Variants in ZCCHC24 observed in about 807,000 individuals in gnomAD.
ZCCHC24 encodes zinc finger CCHC domain-containing protein 24.
ZCCHC24 carries 10 observed loss-of-function variants against 26.2 expected under a neutral mutation model. The observed-to-expected ratio is 0.38, with a 90% CI of 0.24 to 0.65. The LOEUF (loss-of-function observed/expected upper bound fraction) is 0.65, where lower values mean the gene tolerates loss of function less well. Among genes scored for constraint, ZCCHC24 ranks in the 30% least tolerant of loss-of-function variants. The pLI, the probability that ZCCHC24 is intolerant of heterozygous loss-of-function variation, is 0.54. For synonymous variants in ZCCHC24, 144 were observed against 147.1 expected (o/e 0.98, Z 0.15); for missense variants, 243 against 329.1 (o/e 0.74, Z 2.03).
At chr10:79,419,121 G>C (rs7895288) in intron 2 of ZCCHC24, among the ~76,000 whole-genome samples, 107,513 of 152,070 alleles carry the variant, frequency 0.71, 38,049 homozygotes, top group Middle Eastern at 0.8. Flanking sequence ...GGCTCCGGTG[G>C]GTGTTGCTTC....
rs923048764 is a variant in ZCCHC24 at position 79,445,619 on chromosome 10, C to G, written c.-179G>C. ...CCGCTGCCGCTGCCGCCGCCTCCCC[C>G]CGACTGCGGCCCCGGCGCGCGCAGG... is the stretch of plus-strand genomic sequence containing the variant. On this transcript the variant is annotated 5_prime_UTR_variant, in exon 1 of 4. Transcript: ENST00000372336. The G allele has an allele frequency of 4.6e-5, 17 of 368,192 alleles. No individual in the cohort carries two copies. Among genetic ancestry groups the G allele is most frequent in the South Asian group, 2.1e-4 (2 of 9,752 alleles). 22.8% of individuals were successfully genotyped at this position (368,192 alleles called of 1,614,324 possible). A position where few individuals can be genotyped will look rare whatever the true frequency, so the allele number is the denominator to read the frequency against.
chr10:79,405,516 G>A (rs1205420601), intron 2 of ZCCHC24, among the ~76,000 whole-genome samples: 8 of 152,252 alleles, frequency 5.3e-5, no homozygotes, highest in Non-Finnish European at 1.0e-4. Context: ...GTCCCAGGAC[G>A]CCTCCTTGGG....
chr10:79,425,775 A>G (rs1035343193), intron 2 of ZCCHC24, among the ~76,000 whole-genome samples: 11 of 152,204 alleles, frequency 7.2e-5, no homozygotes, highest in African/African-American at 2.7e-4. Flanking sequence ...CTTAGAAGCT[A>G]TTGCTATTGT....
chr10:79,443,955 T>G, intron 1 of ZCCHC24: 1 of 1,138,014 alleles, frequency 8.8e-7, no homozygotes, highest in Non-Finnish European at 1.2e-6. Context: ...GGCCAGCATT[T>G]TATATGTCCA....
intron 3 of ZCCHC24, among the ~76,000 whole-genome samples, chr10:79,391,408 A>G (rs1291038908): frequency 6.6e-6 from 1 of 152,086 alleles, no homozygotes. Flanking sequence ...AGCCCTGCCC[A>G]GCCAGAAGCT....
chr10:79,396,535 G>T (rs1416384649), intron 2 of ZCCHC24, among the ~76,000 whole-genome samples: 1 of 152,178 alleles, frequency 6.6e-6, no homozygotes, highest in Non-Finnish European at 1.5e-5. Flanking sequence ...GCCCTCGCAG[G>T]CTTTGAGTTG....
intron 3 of ZCCHC24, among the ~76,000 whole-genome samples, chr10:79,392,964 C>T (rs1856499559): frequency 6.6e-6 from 1 of 152,196 alleles, no homozygotes; most frequent in African/African-American, 2.4e-5. Flanking sequence ...TGAGCACCAA[C>T]CACCAGCCAA....
At chr10:79,425,304 C>T (rs556999328) in intron 2 of ZCCHC24, among the ~76,000 whole-genome samples, 1 of 152,296 alleles carries the variant, frequency 6.6e-6, no homozygotes, top group African/African-American at 2.4e-5. Context: ...CTGTTGCCAC[C>T]AGAGCTGGCA....
chr10:79,397,388 T>A (rs1478649227), intron 2 of ZCCHC24, among the ~76,000 whole-genome samples: 3 of 152,130 alleles, frequency 2.0e-5, no homozygotes, highest in Non-Finnish European at 4.4e-5. Context: ...AATAGAGGGG[T>A]CAACGTGTGC....
At chr10:79,411,606 G>T (rs1486292275) in intron 2 of ZCCHC24, among the ~76,000 whole-genome samples, 1 of 152,198 alleles carries the variant, frequency 6.6e-6, no homozygotes, top group South Asian at 2.1e-4. Context: ...GAGCAGGACT[G>T]CCAAAGTCTC....
intron 2 of ZCCHC24, among the ~76,000 whole-genome samples, chr10:79,417,850 G>A (rs1340561100): frequency 6.6e-6 from 1 of 152,204 alleles, no homozygotes; most frequent in Non-Finnish European, 1.5e-5. Context: ...GAATGGGAGG[G>A]AGTGGGGGCG....
At chr10:79,445,123 A>G in intron 1 of ZCCHC24, 72 bp downstream of exon 1, 1 of 1,187,510 alleles carries the variant, frequency 8.4e-7, no homozygotes, top group Non-Finnish European at 1.0e-6. Context: ...AGCGGGTCAG[A>G]CAGGGAACGG....
chr10:79,387,438 C>T (rs577714674), intron 3 of ZCCHC24, among the ~76,000 whole-genome samples: 34 of 152,324 alleles, frequency 2.2e-4, no homozygotes, highest in African/African-American at 5.5e-4. Context: ...CCAAAGCTGG[C>T]GAAGACTTGT....
chr10:79,441,399 G>A (rs1237472076), intron 1 of ZCCHC24, among the ~76,000 whole-genome samples: 2 of 152,100 alleles, frequency 1.3e-5, no homozygotes, highest in Non-Finnish European at 1.5e-5. Context: ...TAAGCCTTGT[G>A]ACACCCTTGC....
chr10:79,434,873 G>C (rs7083790), intron 1 of ZCCHC24, among the ~76,000 whole-genome samples: 92,122 of 152,002 alleles, frequency 0.61, 28,361 homozygotes, highest in African/African-American at 0.72. Flanking sequence ...GAAACTCCAT[G>C]CCCGTGAAAC....
In ZCCHC24 at chr10:79,428,441, TTG is replaced by T. The variant is rs1857072514; in HGVS notation, c.447+4115_447+4116del. ...CAGTTTTGCAAGATAAATTTCAGTT[TTG>T]CAAGATAAATTTCAGTTTTGCAAGA... On this transcript the variant is annotated intron_variant, in intron 2 of 3. Transcript: ENST00000372336. Among the ~76,000 whole-genome samples the T allele has an allele frequency of 1.6e-3, 84 of 52,750 alleles. 6 individuals are homozygous for T. The highest frequency in any genetic ancestry group is 0.013 in the African/African-American group (82 of 6,430). The allele number at this position is 52,750 out of a possible 152,430, so 34.6% of individuals were successfully genotyped here.
intron 2 of ZCCHC24, among the ~76,000 whole-genome samples, chr10:79,414,852 T>C (rs1280407781): frequency 1.3e-5 from 2 of 152,130 alleles, no homozygotes; most frequent in African/African-American, 4.8e-5. Context: ...AAGCCCGAGA[T>C]GGAATCACTG....
In ZCCHC24 at chr10:79,445,499, G is replaced by T. The variant is rs1447757694; in HGVS notation, c.-59C>A. The stretch of plus-strand genomic sequence containing the variant: ...CCCGCTCGCGGCCCCCCTCCGCAGC[G>T]GAGGGGCGGGCACCGGGGAGCCTGT... On this transcript the variant is annotated 5_prime_UTR_variant, in exon 1 of 4. Coordinates refer to ENST00000372336, the MANE Select transcript of ZCCHC24 (RefSeq NM_153367.4). 204 of 1,281,510 alleles carry T rather than the reference G, an allele frequency of 1.6e-4. No individual in the cohort carries two copies. Among genetic ancestry groups the T allele is most frequent in the Non-Finnish European group, 1.9e-4 (192 of 1,010,236 alleles). 79.4% of individuals were successfully genotyped at this position (1,281,510 alleles called of 1,614,324 possible).
At chr10:79,422,451 A>G (rs7908649) in intron 2 of ZCCHC24, among the ~76,000 whole-genome samples, 1,893 of 152,270 alleles carry the variant, frequency 0.012, 41 homozygotes, top group African/African-American at 0.043. Context: ...CTGGGGTCCG[A>G]GGGCTGCAGA....
Sources: allele counts gnomAD v4.1 joint callset (sites outside exome capture counted in the v4.1 genomes callset), GRCh38; gene constraint gnomAD v4.1.1; transcripts MANE v1.5; gene names NCBI Gene and HGNC (gene_info 2026-07-23, HGNC 2026-07-21).